The following DCUN1D5 variants were observed in gnomAD, a reference collection of about 807,000 sequenced individuals.
DCUN1D5 encodes the protein defective in cullin neddylation 1 domain containing 5.
Under a neutral mutation model 38.3 loss-of-function variants are expected in DCUN1D5, and 10 were observed. That is an observed-to-expected ratio of 0.26 (90% confidence interval 0.16 to 0.44). The LOEUF is 0.44. Among genes scored for constraint, DCUN1D5 ranks in the 20% least tolerant of loss-of-function variants. The probability of loss-of-function intolerance (pLI) is 1.00; values close to 1 mark genes in which losing one functional copy is unlikely to be tolerated. For missense variants in DCUN1D5, 148 were observed against 275.3 expected (o/e 0.54, Z 3.27); for synonymous variants, 93 against 90.9 (o/e 1.02, Z -0.13).
chr11:103,079,969 A>G (rs1862514293), intron 4 of DCUN1D5: 1 of 152,202 alleles, frequency 6.6e-6, no homozygotes, highest in African/African-American at 2.4e-5. Flanking sequence ...TTTCACACAA[A>G]AAGGAAAGCC....
rs1307965294 is a variant in DCUN1D5 at position 103,057,058 on chromosome 11, ACTT to A, written c.*5298_*5300del. On this transcript the variant is annotated 3_prime_UTR_variant, in exon 8 of 8. Transcript: ENST00000260247. The surrounding 1 kb of genome is among the most constrained non-coding windows in gnomAD (Gnocchi z 4.8). The stretch of plus-strand genomic sequence containing the variant: ...ATCAAACTCAGGTTTCTCAGATAAT[ACTT>A]CTATAAACTCTCTCTCAATAGGCAT... 2.0e-5 allele frequency among the ~76,000 whole-genome samples: 3 copies of A among 152,258 alleles called. No homozygotes were observed. The highest frequency in any genetic ancestry group is 6.5e-5 in the Admixed American group (1 of 15,298).
At position 103,053,997 on chromosome 11, in the gene DCUN1D5, G is replaced by A. The variant is rs568405283; in HGVS notation, c.*8362C>T. The A allele has an allele frequency of 1.3e-3, 202 of 152,200 alleles. 1 individual carries two copies. Among genetic ancestry groups the A allele is most frequent in the African/African-American group, 4.8e-3 (198 of 41,554 alleles). 9.4% of individuals were successfully genotyped at this position (152,200 alleles called of 1,614,324 possible). On this transcript the variant is annotated 3_prime_UTR_variant, in exon 8 of 8. Coordinates refer to ENST00000260247, the MANE Select transcript of DCUN1D5 (RefSeq NM_032299.4). This position sits in a 1 kb window ranked among gnomAD's most constrained non-coding sequence, Gnocchi z 4.8. ...ATGAAAGAACTAGCACACAGAAATA[G>A]GTACCCTAAAAGGACTAGGGGTGCA...
At position 103,071,728 on chromosome 11, in the gene DCUN1D5, A is replaced by C. The variant is rs965128525; in HGVS notation, c.342-5161T>G. Reference sequence around the variant, plus strand: ...CACAAACTACCACAACACATACAATATACAGTAGTCTGAGTAGACCTGTTA... The same window carrying C: ...CACAAACTACCACAACACATACAATCTACAGTAGTCTGAGTAGACCTGTTA... On this transcript the variant is annotated intron_variant, in intron 4 of 7. Transcript: ENST00000260247. This position sits in a 1 kb window ranked among gnomAD's most constrained non-coding sequence, Gnocchi z 4.1. Among the ~76,000 whole-genome samples, 1 of 151,192 alleles carries C rather than the reference A, an allele frequency of 6.6e-6. No individual in the cohort carries two copies. Among genetic ancestry groups the C allele is most frequent in the Non-Finnish European group, 1.5e-5 (1 of 67,684 alleles).
At chr11:103,070,093 T>G (rs1263199144) in intron 4 of DCUN1D5, among the ~76,000 whole-genome samples, 1 of 138,508 alleles carries the variant, frequency 7.2e-6, no homozygotes, top group Non-Finnish European at 1.6e-5. Flanking sequence ...AATAGAAAAA[T>G]GAAAAAATAT....
intron 4 of DCUN1D5, among the ~76,000 whole-genome samples, chr11:103,074,530 C>G (rs937448209): frequency 3.3e-5 from 5 of 152,186 alleles, no homozygotes; most frequent in East Asian, 1.9e-4. Flanking sequence ...CTTAGCCTCC[C>G]TAGTAGCTGG....
rs978763006 is a variant in DCUN1D5, at chr11:103,051,969, A to G, written c.*10390T>C. 2.0e-5 allele frequency: 3 copies of G among 152,196 alleles called. No individual in the cohort carries two copies. Among genetic ancestry groups the G allele is most frequent in the African/African-American group, 7.2e-5 (3 of 41,438 alleles). 9.4% of individuals were successfully genotyped at this position (152,196 alleles called of 1,614,324 possible). ...CCACTTTGACTATTTCAGTCCACAG[A>G]ACTCACTCTCCTCTGAACTCCTATA... On this transcript the variant is annotated 3_prime_UTR_variant, in exon 8 of 8. Transcript: ENST00000260247.
At position 103,064,826 on chromosome 11, in the gene DCUN1D5, A is replaced by T. The variant is rs527719876; in HGVS notation, c.556-449T>A. On this transcript the variant is annotated intron_variant, in intron 6 of 7. Coordinates refer to ENST00000260247, the MANE Select transcript of DCUN1D5 (RefSeq NM_032299.4). This position sits in a 1 kb window ranked among gnomAD's most constrained non-coding sequence, Gnocchi z 4.5. ...CTTCGATTTAAATCCCACCCTTGCC[A>T]CTTAATTGAGTGATTTTGGGAAAGT... Among the ~76,000 whole-genome samples the T allele has an allele frequency of 1.3e-5, 2 of 152,326 alleles. No individual in the cohort carries two copies. The highest frequency in any genetic ancestry group is 1.3e-4 in the Admixed American group (2 of 15,304).
In DCUN1D5 at chr11:103,066,489, A is replaced by G. The variant is rs748838639; in HGVS notation, c.420T>C (p.Asn140=). Residue 140 remains asparagine (N), a synonymous_variant, in exon 5 of 8, where the codon AAT becomes AAC. Coordinates refer to ENST00000260247, the MANE Select transcript of DCUN1D5 (RefSeq NM_032299.4). This position sits in a 1 kb window ranked among gnomAD's most constrained non-coding sequence, Gnocchi z 4.7. ...CAAAATCAAAGGCATATCTGTAGAT[A>G]TTCTTAAATGACGAAATATCATTCA... is the stretch of plus-strand genomic sequence containing the variant. The part of the protein sequence containing the change: ...SQLNDISSFK[N]IYRYAFDFAR... The G allele has an allele frequency of 1.9e-6, 3 of 1,611,800 alleles. No homozygotes were observed. The highest frequency in any genetic ancestry group is 2.5e-6 in the Non-Finnish European group (3 of 1,178,708).
rs1437373754 is a variant in DCUN1D5, at chr11:103,063,908, T to C, written c.658+367A>G. ...ATATTACAATAATGTTAAAGCTTTT[T>C]CTATTGTGGCTGATTGTTTTGCTGT... On this transcript the variant is annotated intron_variant, in intron 7 of 7. Transcript: ENST00000260247. This position sits in a 1 kb window ranked among gnomAD's most constrained non-coding sequence, Gnocchi z 4.6. Among the ~76,000 whole-genome samples, 2 of 152,182 alleles carry C rather than the reference T, an allele frequency of 1.3e-5. No homozygotes were observed. The highest frequency in any genetic ancestry group is 2.9e-5 in the Non-Finnish European group (2 of 68,002).
At chr11:103,072,128 T>C (rs1862286824) in intron 4 of DCUN1D5, among the ~76,000 whole-genome samples, 1 of 151,852 alleles carries the variant, frequency 6.6e-6, no homozygotes, top group African/African-American at 2.4e-5. Context: ...AAAGCCAACG[T>C]TTTCTCTCTA....
Position 103,066,441 on chromosome 11 carries a change from CAAG to C in DCUN1D5, c.450+15_450+17del, listed in dbSNP as rs751517107. 2 of 1,593,512 alleles carry C rather than the reference CAAG, an allele frequency of 1.3e-6. No homozygotes were observed. The highest frequency in any genetic ancestry group is 1.7e-5 in the Admixed American group (1 of 58,362). ...ATGAAAAGCTATTAAAACAACAAAA[CAAG>C]AAAATTGCACCTACCCTTGCAAAAT... On this transcript the variant is annotated intron_variant, in intron 5 of 7. Transcript: ENST00000260247. The surrounding 1 kb of genome is among the most constrained non-coding windows in gnomAD (Gnocchi z 4.7).
intron 4 of DCUN1D5, among the ~76,000 whole-genome samples, chr11:103,076,041 G>C (rs1862399990): frequency 6.6e-6 from 1 of 152,186 alleles, no homozygotes; most frequent in African/African-American, 2.4e-5. Context: ...TCTTCATAAT[G>C]TGAGTCACAT....
intron 4 of DCUN1D5, among the ~76,000 whole-genome samples, chr11:103,080,462 T>C (rs917729806): frequency 4.6e-5 from 7 of 152,104 alleles, no homozygotes; most frequent in African/African-American, 1.7e-4. Context: ...ACTTGGCCAA[T>C]TGAAGAAAAA....
chr11:103,056,874 T>C lies in DCUN1D5; in HGVS notation c.*5485A>G, dbSNP rs1259266583. On this transcript the variant is annotated 3_prime_UTR_variant, in exon 8 of 8. Transcript: ENST00000260247. The surrounding 1 kb of genome is among the most constrained non-coding windows in gnomAD (Gnocchi z 4.9). ...CTTCTTGTTCAAGTAACAAGACGCATTCATTTAACACCTACTAAGTGCTGT... is the reference window on the plus strand; with the variant it reads ...CTTCTTGTTCAAGTAACAAGACGCACTCATTTAACACCTACTAAGTGCTGT... Among the ~76,000 whole-genome samples, 3 of 152,214 alleles carry C rather than the reference T, an allele frequency of 2.0e-5. No individual in the cohort carries two copies. The highest frequency in any genetic ancestry group is 4.4e-5 in the Non-Finnish European group (3 of 68,036).
In DCUN1D5 at chr11:103,058,290, A is replaced by G. The variant is rs1413296466; in HGVS notation, c.*4069T>C. Among the ~76,000 whole-genome samples the G allele has an allele frequency of 6.6e-6, 1 of 152,242 alleles. No homozygotes were observed. The highest frequency in any genetic ancestry group is 1.9e-4 in the East Asian group (1 of 5,198). On this transcript the variant is annotated 3_prime_UTR_variant, in exon 8 of 8. Coordinates refer to ENST00000260247, the MANE Select transcript of DCUN1D5 (RefSeq NM_032299.4). ...TCACACCAATAACAACTGGTCAGGA[A>G]AAGGAGCAAAGGAAACACTATCTGT... is the stretch of plus-strand genomic sequence containing the variant.
At chr11:103,080,128 A>T (rs1862519947) in intron 4 of DCUN1D5, 1 of 152,228 alleles carries the variant, frequency 6.6e-6, no homozygotes, top group Non-Finnish European at 1.5e-5. Context: ...TTAAACTACC[A>T]GACTGTTTCT....
intron 4 of DCUN1D5, among the ~76,000 whole-genome samples, chr11:103,082,163 T>G (rs564702167): frequency 6.0e-4 from 92 of 152,238 alleles, no homozygotes; most frequent in African/African-American, 2.1e-3. Context: ...TAAGATGCAA[T>G]TCTATAACTT....
At position 103,057,304 on chromosome 11, in the gene DCUN1D5, T is replaced by G. The variant is rs1861897887; in HGVS notation, c.*5055A>C. ...GACAAGTTGCTCAAATAAAGTTAGT[T>G]TTTCCTCTTTCATGGTTCAAAGGCA... On this transcript the variant is annotated 3_prime_UTR_variant, in exon 8 of 8. Coordinates refer to ENST00000260247, the MANE Select transcript of DCUN1D5 (RefSeq NM_032299.4). This position sits in a 1 kb window ranked among gnomAD's most constrained non-coding sequence, Gnocchi z 4.8. Among the ~76,000 whole-genome samples, 1 of 152,214 alleles carries G rather than the reference T, an allele frequency of 6.6e-6. No homozygotes were observed. The highest frequency in any genetic ancestry group is 2.1e-4 in the South Asian group (1 of 4,832).
At chr11:103,079,131 C>T (rs1311842853) in intron 4 of DCUN1D5, among the ~76,000 whole-genome samples, 3 of 152,232 alleles carry the variant, frequency 2.0e-5, no homozygotes, top group Admixed American at 1.3e-4. Flanking sequence ...GTGAACTGTG[C>T]GTGCGAGGGA....
Sources: gnomAD v4.1 joint callset for allele counts (sites outside exome capture counted in the v4.1 genomes callset) on GRCh38, gnomAD v4.1.1 for gene constraint, Gnocchi (gnomAD v3.1) non-coding constraint, MANE v1.5 for transcripts, NCBI Gene and HGNC (gene_info 2026-07-23, HGNC 2026-07-21) for gene names.